Variants in KHDRBS2 observed in about 807,000 individuals in gnomAD.
The protein encoded by KHDRBS2 is KH RNA binding domain containing, signal transduction associated 2.
In KHDRBS2, 26 loss-of-function variants were observed where a neutral mutation model predicts 44.3. That is an observed-to-expected ratio of 0.59 (90% CI 0.43 to 0.81). The LOEUF (loss-of-function observed/expected upper bound fraction) is 0.81. Among genes scored for constraint, KHDRBS2 ranks in the 40% least tolerant of loss-of-function variants. KHDRBS2 has a pLI of 0.00. For missense variants in KHDRBS2, 476 were observed against 433.1 expected, an observed-to-expected ratio of 1.10 and a Z score of -0.88; for synonymous variants, 194 against 151.1, an observed-to-expected ratio of 1.28 and a Z score of -2.08.
At chr6:62,009,246 G>C (rs1779839470) in intron 3 of KHDRBS2, among the ~76,000 whole-genome samples, 1 of 152,202 alleles carries the variant, frequency 6.6e-6, no homozygotes, top group Non-Finnish European at 1.5e-5. Flanking sequence ...AAAGAGACTG[G>C]TGGCATTTTG....
At chr6:62,040,193 C>T (rs1786150631) in intron 3 of KHDRBS2, among the ~76,000 whole-genome samples, 1 of 151,802 alleles carries the variant, frequency 6.6e-6, no homozygotes, top group Non-Finnish European at 1.5e-5. Context: ...AAATACAATA[C>T]AATACAATAC....
intron 6 of KHDRBS2, among the ~76,000 whole-genome samples, chr6:61,739,593 A>G (rs948888524): frequency 2.0e-5 from 3 of 151,968 alleles, no homozygotes; most frequent in Admixed American, 2.0e-4. Context: ...TTAAGGCTAT[A>G]GGTATAACTA....
At chr6:61,900,254 T>C (rs1803726185) in intron 5 of KHDRBS2, among the ~76,000 whole-genome samples, 1 of 152,088 alleles carries the variant, frequency 6.6e-6, no homozygotes, top group African/African-American at 2.4e-5. Flanking sequence ...ATTTAAGTGT[T>C]ACAAACAGTG....
chr6:61,688,253 A>G lies in KHDRBS2; in HGVS notation c.953-7193T>C, dbSNP rs114933432. Among the ~76,000 whole-genome samples the G allele has an allele frequency of 3.3e-3, 497 of 152,048 alleles. 5 individuals are homozygous for G. The highest frequency in any genetic ancestry group is 0.012 in the African/African-American group (480 of 41,516). ...TAAAAAGGAGACAAAGAAGCTAGCT[A>G]GAGAAAGGATTTTCAAAATGGAACA... On this transcript the variant is annotated intron_variant, in intron 8 of 8. Coordinates refer to ENST00000281156, the MANE Select transcript of KHDRBS2 (RefSeq NM_152688.4).
the KHDRBS2 span, among the ~76,000 whole-genome samples, chr6:61,612,405 C>T: frequency 6.6e-6 from 1 of 152,074 alleles, no homozygotes. Flanking sequence ...AAATATAGAC[C>T]TTATGGTCAT....
the KHDRBS2 span, among the ~76,000 whole-genome samples, chr6:61,576,926 C>T: frequency 9.3e-4 from 142 of 152,240 alleles, no homozygotes; most frequent in Middle Eastern, 6.8e-3. Flanking sequence ...TCCTATTTCT[C>T]AGGATCACTG....
rs747898150 is a variant in KHDRBS2 at position 62,017,099 on chromosome 6, CCAAA to C, written c.336+30775_336+30778del. ...TGTTTTATAAGGTATATCAAATGAA[CCAAA>C]CAAACACAAAAACACAAAACTCAAT... On this transcript the variant is annotated intron_variant, in intron 3 of 8. Coordinates refer to ENST00000281156, the MANE Select transcript of KHDRBS2 (RefSeq NM_152688.4). Among the ~76,000 whole-genome samples, 103 of 152,110 alleles carry C rather than the reference CCAAA, an allele frequency of 6.8e-4. No individual in the cohort carries two copies. In the Middle Eastern group the frequency reaches 0.014, roughly 20 times the overall value.
intron 2 of KHDRBS2, among the ~76,000 whole-genome samples, chr6:62,095,755 A>G (rs916964045): frequency 1.3e-5 from 2 of 151,826 alleles, no homozygotes; most frequent in African/African-American, 4.8e-5. Context: ...CAGTACTATG[A>G]TGAATGAAAG....
At chr6:62,152,978 T>A (rs549871763) in intron 2 of KHDRBS2, among the ~76,000 whole-genome samples, 1 of 152,368 alleles carries the variant, frequency 6.6e-6, no homozygotes, top group Admixed American at 6.5e-5. Flanking sequence ...CCTGATAGCA[T>A]CGGGACTTTG....
Position 62,047,859 on chromosome 6 carries a change from T to C in KHDRBS2, c.336+19A>G. On this transcript the variant is annotated intron_variant, in intron 3 of 8. Coordinates refer to ENST00000281156, the MANE Select transcript of KHDRBS2 (RefSeq NM_152688.4). The stretch of plus-strand genomic sequence containing the variant: ...GTAACCTCCTGAATGTGGTAAATAT[T>C]AGATTCAAAGTTCAGTACCTTAGCT... The C allele has an allele frequency of 6.7e-7, 1 of 1,487,652 alleles. No individual in the cohort carries two copies. Among genetic ancestry groups the C allele is most frequent in the Non-Finnish European group, 9.4e-7 (1 of 1,065,210 alleles). The allele number at this position is 1,487,652 out of a possible 1,614,324, so 92.2% of individuals were successfully genotyped here.
intron 4 of KHDRBS2, among the ~76,000 whole-genome samples, chr6:61,958,011 G>T (rs768957762): frequency 6.6e-6 from 1 of 151,778 alleles, no homozygotes; most frequent in Non-Finnish European, 1.5e-5. Flanking sequence ...AAATATCAGG[G>T]GTGAATTTTG....
the KHDRBS2 span, among the ~76,000 whole-genome samples, chr6:61,587,768 CTCTG>C: frequency 8.5e-5 from 13 of 152,296 alleles, no homozygotes; most frequent in African/African-American, 2.4e-4. Context: ...ACTAAACTGT[CTCTG>C]TCTTTCTCCG....
At chr6:61,846,082 C>A (rs1156839116) in intron 6 of KHDRBS2, among the ~76,000 whole-genome samples, 1 of 152,174 alleles carries the variant, frequency 6.6e-6, no homozygotes. Context: ...CCCATTTGGC[C>A]TTCCGCCCTG....
intron 3 of KHDRBS2, among the ~76,000 whole-genome samples, chr6:61,993,350 T>C (rs1584023432): frequency 6.6e-6 from 1 of 152,136 alleles, no homozygotes; most frequent in Non-Finnish European, 1.5e-5. Flanking sequence ...TCGCTCTTTC[T>C]TTACTCCAGG....
At chr6:61,852,208 C>G (rs181237331) in intron 6 of KHDRBS2, among the ~76,000 whole-genome samples, 1 of 150,948 alleles carries the variant, frequency 6.6e-6, no homozygotes, top group Non-Finnish European at 1.5e-5. Context: ...GGCAATGGAA[C>G]AAAACTCCGT....
intron 7 of KHDRBS2, among the ~76,000 whole-genome samples, chr6:61,713,801 C>A (rs541270255): frequency 6.6e-6 from 1 of 151,726 alleles, no homozygotes; most frequent in South Asian, 2.1e-4. Flanking sequence ...AAAGAACACA[C>A]CTTCTTCAAT....
At position 62,068,286 on chromosome 6, in the gene KHDRBS2, T is replaced by A. The variant is rs544944200; in HGVS notation, c.220-20292A>T. 1.8e-4 allele frequency among the ~76,000 whole-genome samples: 28 copies of A among 151,696 alleles called. No individual in the cohort carries two copies. In the South Asian group the frequency reaches 4.1e-3, roughly 22 times the overall value. On this transcript the variant is annotated intron_variant, in intron 2 of 8. Coordinates refer to ENST00000281156, the MANE Select transcript of KHDRBS2 (RefSeq NM_152688.4). ...GACTGATGGAAAATGATATTGAACATCTTTTCATATGTTTATCGACTTTTA... is the reference window on the plus strand; with the variant it reads ...GACTGATGGAAAATGATATTGAACAACTTTTCATATGTTTATCGACTTTTA...
At chr6:61,662,969 T>A in the KHDRBS2 span, among the ~76,000 whole-genome samples, 2 of 152,020 alleles carry the variant, frequency 1.3e-5, no homozygotes, top group Admixed American at 6.6e-5. Flanking sequence ...ATAGCGGCAC[T>A]ATTCACAATA....
the KHDRBS2 span, among the ~76,000 whole-genome samples, chr6:61,560,109 A>G: frequency 1.1e-4 from 17 of 152,228 alleles, no homozygotes; most frequent in Admixed American, 1.1e-3. Flanking sequence ...TTCCTTCAGC[A>G]TATTAAATAT....
Sources: allele counts gnomAD v4.1 joint callset (sites outside exome capture counted in the v4.1 genomes callset), GRCh38; gene constraint gnomAD v4.1.1; transcripts MANE v1.5; gene names NCBI Gene and HGNC (gene_info 2026-07-23, HGNC 2026-07-21).